The following FYN variants were observed in gnomAD, a reference collection of about 807,000 sequenced individuals.
FYN encodes FYN proto-oncogene, Src family tyrosine kinase, also known as tyrosine-protein kinase Fyn.
Under a neutral mutation model 70.2 loss-of-function variants are expected in FYN, and 10 were observed. The observed-to-expected ratio is 0.14, with a 90% CI of 0.09 to 0.24. The LOEUF (loss-of-function observed/expected upper bound fraction) is 0.24, where lower values mean the gene tolerates loss of function less well. Among genes scored for constraint, FYN ranks in the 10% least tolerant of loss-of-function variants. The pLI is 1.00. For synonymous variants in FYN, 236 were observed against 248.6 expected (o/e 0.95, Z 0.48); for missense variants, 319 against 673.1 (o/e 0.47, Z 5.82).
At chr6:111,872,175 C>A (rs954303877) in intron 1 of FYN, among the ~76,000 whole-genome samples, 1 of 152,110 alleles carries the variant, frequency 6.6e-6, no homozygotes, top group African/African-American at 2.4e-5. Context: ...CAGCACATCT[C>A]TGCTGGGCCC....
chr6:111,768,340 G>C (rs1803313042), intron 3 of FYN, among the ~76,000 whole-genome samples: 1 of 152,218 alleles, frequency 6.6e-6, no homozygotes, highest in South Asian at 2.1e-4. Flanking sequence ...TGTTTCAACT[G>C]TGAGTTTGTC....
At chr6:111,825,390 A>G (rs890449449) in intron 2 of FYN, among the ~76,000 whole-genome samples, 5 of 152,222 alleles carry the variant, frequency 3.3e-5, no homozygotes, top group African/African-American at 1.2e-4. Flanking sequence ...CACAGTTTTG[A>G]TAACTATACA....
chr6:111,753,003 C>G (rs1324047322), intron 3 of FYN, among the ~76,000 whole-genome samples: 2 of 152,064 alleles, frequency 1.3e-5, no homozygotes, highest in African/African-American at 4.8e-5. Flanking sequence ...AACTTGAATG[C>G]CCCCAAAATA....
At chr6:111,695,899 G>A (rs1184155068) in intron 10 of FYN, among the ~76,000 whole-genome samples, 4 of 152,178 alleles carry the variant, frequency 2.6e-5, no homozygotes, top group African/African-American at 9.7e-5. Flanking sequence ...ACCAGTGTCT[G>A]ATATTAATTG....
intron 1 of FYN, among the ~76,000 whole-genome samples, chr6:111,869,887 T>C (rs1184992516): frequency 6.6e-6 from 1 of 152,186 alleles, no homozygotes; most frequent in Admixed American, 6.5e-5. Flanking sequence ...ATTTGAAACA[T>C]GACAAAAAGT....
intron 2 of FYN, among the ~76,000 whole-genome samples, chr6:111,788,663 C>T (rs1771493538): frequency 6.6e-6 from 1 of 152,186 alleles, no homozygotes; most frequent in Admixed American, 6.5e-5. Flanking sequence ...AGTCCTACAA[C>T]CTGCCATGCT....
intron 12 of FYN, among the ~76,000 whole-genome samples, chr6:111,681,156 T>C (rs1305548488): frequency 6.6e-6 from 1 of 151,802 alleles, no homozygotes; most frequent in Non-Finnish European, 1.5e-5. Flanking sequence ...GCCTCCTGAG[T>C]AGCTGGGACT....
At chr6:111,823,721 A>C (rs1270668288) in intron 2 of FYN, among the ~76,000 whole-genome samples, 1 of 151,958 alleles carries the variant, frequency 6.6e-6, no homozygotes, top group Non-Finnish European at 1.5e-5. Flanking sequence ...AACATAACAG[A>C]TCTCAGCTAA....
At chr6:111,846,364 G>T (rs905528932) in intron 2 of FYN, among the ~76,000 whole-genome samples, 1 of 152,160 alleles carries the variant, frequency 6.6e-6, no homozygotes, top group Non-Finnish European at 1.5e-5. Flanking sequence ...CCAGAATTGA[G>T]TGTTACAACT....
chr6:111,712,632 C>T (rs566047219), intron 5 of FYN, among the ~76,000 whole-genome samples: 1 of 152,174 alleles, frequency 6.6e-6, no homozygotes, highest in African/African-American at 2.4e-5. Flanking sequence ...ACGATGACGT[C>T]GATGCATACC....
rs1224896224 is a variant in FYN at position 111,660,578 on chromosome 6, A to C, written c.*1161T>G. ...TTTTTGTGCATCCCCATGAAATGTA[A>C]AGTAGTGCATAGTTATTCCACTGGA... On this transcript the variant is annotated 3_prime_UTR_variant, in exon 14 of 14. Coordinates refer to ENST00000354650, the MANE Select transcript of FYN (RefSeq NM_002037.5). The C allele has an allele frequency of 6.6e-6, 1 of 152,216 alleles. No individual in the cohort carries two copies. The highest frequency in any genetic ancestry group is 1.5e-5 in the Non-Finnish European group (1 of 68,038). The allele number at this position is 152,216 out of a possible 1,614,324, so 9.4% of individuals were successfully genotyped here.
chr6:111,781,087 T>C (rs1376173848), intron 2 of FYN: 1 of 152,152 alleles, frequency 6.6e-6, no homozygotes, highest in Non-Finnish European at 1.5e-5. Flanking sequence ...ATGTGTAAAA[T>C]AGGGATTACT....
chr6:111,689,173 T>C (rs1799190242), intron 12 of FYN, among the ~76,000 whole-genome samples: 1 of 152,188 alleles, frequency 6.6e-6, no homozygotes, highest in Non-Finnish European at 1.5e-5. Context: ...TTATCACCAT[T>C]TTACAGATGA....
intron 1 of FYN, among the ~76,000 whole-genome samples, chr6:111,857,400 T>C (rs1193480497): frequency 2.0e-5 from 3 of 152,158 alleles, no homozygotes; most frequent in Non-Finnish European, 4.4e-5. Context: ...CCACACTATC[T>C]TGAAACATCA....
At chr6:111,773,825 A>C (rs1399544792) in intron 3 of FYN, among the ~76,000 whole-genome samples, 1 of 152,168 alleles carries the variant, frequency 6.6e-6, no homozygotes, top group Non-Finnish European at 1.5e-5. Context: ...TACCAATTTA[A>C]TAAATTTCAT....
intron 4 of FYN, among the ~76,000 whole-genome samples, chr6:111,718,270 C>G (rs1246782981): frequency 6.6e-6 from 1 of 152,192 alleles, no homozygotes; most frequent in Non-Finnish European, 1.5e-5. Context: ...CTTGGCCTTA[C>G]AGGACTGAAG....
At chr6:111,734,818 C>G (rs1801634897) in intron 3 of FYN, among the ~76,000 whole-genome samples, 1 of 152,190 alleles carries the variant, frequency 6.6e-6, no homozygotes, top group Admixed American at 6.5e-5. Context: ...TATATTCAGC[C>G]CCAGCTCTAG....
intron 4 of FYN, among the ~76,000 whole-genome samples, chr6:111,714,709 G>A (rs1003590943): frequency 1.3e-5 from 2 of 152,166 alleles, no homozygotes; most frequent in Non-Finnish European, 2.9e-5. Context: ...GAGGGCTGAG[G>A]AGCAGGGAAA....
chr6:111,770,183 T>C (rs2128499072), intron 3 of FYN, among the ~76,000 whole-genome samples: 1 of 152,318 alleles, frequency 6.6e-6, no homozygotes, highest in East Asian at 1.9e-4. Flanking sequence ...AAACTACATA[T>C]GAAGTTTCAA....
Sources: gnomAD v4.1 joint callset for allele counts (sites outside exome capture counted in the v4.1 genomes callset) on GRCh38, gnomAD v4.1.1 for gene constraint, MANE v1.5 for transcripts, NCBI Gene and HGNC (gene_info 2026-07-23, HGNC 2026-07-21) for gene names.